HS3ST4: variants seen among roughly 807,000 people sequenced by gnomAD.
The protein encoded by HS3ST4 is heparan sulfate glucosamine 3-O-sulfotransferase 4.
In HS3ST4, 17 loss-of-function variants were observed where a neutral mutation model predicts 29.2. The observed-to-expected ratio is 0.58, with a 90% CI of 0.40 to 0.87. The LOEUF (loss-of-function observed/expected upper bound fraction) is 0.87. Among genes scored for constraint, HS3ST4 ranks in the 40% least tolerant of loss-of-function variants. HS3ST4 has a pLI of 0.00. For missense variants in HS3ST4, 627 were observed against 634.5 expected (o/e 0.99, Z 0.13); for synonymous variants, 314 against 285.7 (o/e 1.10, Z -1.00).
intron 1 of HS3ST4, among the ~76,000 whole-genome samples, chr16:25,834,521 A>G (rs1488717086): frequency 6.6e-6 from 1 of 152,252 alleles, no homozygotes; most frequent in Non-Finnish European, 1.5e-5. Flanking sequence ...ATCAATGTTG[A>G]GAGATGAAAA....
intron 1 of HS3ST4, among the ~76,000 whole-genome samples, chr16:25,857,948 C>CTTTCTTTCTTTCTTTCTTTA (rs1567257162): frequency 3.5e-5 from 2 of 57,104 alleles, no homozygotes; most frequent in African/African-American, 7.3e-5. Flanking sequence ...TTCTTTCTTT[C>CTTTCTTTCTTTCTTTCTTTA]TTTCTTTCTT....
intron 1 of HS3ST4, among the ~76,000 whole-genome samples, chr16:25,719,538 C>T (rs903161956): frequency 4.6e-5 from 7 of 152,288 alleles, no homozygotes; most frequent in Middle Eastern, 3.4e-3. Context: ...AGCAGTTTAT[C>T]GGTATAGGAA....
Position 25,853,305 on chromosome 16 carries a change from TG to T in HS3ST4, c.734+160155del, listed in dbSNP as rs1425562083. On this transcript the variant is annotated intron_variant, in intron 1 of 1. Coordinates refer to ENST00000331351, the MANE Select transcript of HS3ST4 (RefSeq NM_006040.3). ...GGTGAAATCTTTGTGAGTGTGTGTGTGTGTGTGTATATATATATATATATAT... is the reference window on the plus strand; with the variant it reads ...GGTGAAATCTTTGTGAGTGTGTGTGTTGTGTGTATATATATATATATATAT... Among the ~76,000 whole-genome samples, 3 of 106,868 alleles carry T rather than the reference TG, an allele frequency of 2.8e-5. No individual in the cohort carries two copies. In the East Asian group the frequency reaches 6.5e-4, roughly 23 times the overall value. The allele number at this position is 106,868 out of a possible 152,430, so 70.1% of individuals were successfully genotyped here. A position where few individuals can be genotyped will look rare whatever the true frequency, so the allele number is the denominator to read the frequency against.
At chr16:26,094,787 G>A (rs960723919) in intron 1 of HS3ST4, among the ~76,000 whole-genome samples, 31 of 152,164 alleles carry the variant, frequency 2.0e-4, no homozygotes, top group African/African-American at 4.3e-4. Flanking sequence ...ATGTAAATGG[G>A]CTAAATGCCC....
intron 1 of HS3ST4, among the ~76,000 whole-genome samples, chr16:26,030,636 T>A (rs891449485): frequency 6.6e-6 from 1 of 152,152 alleles, no homozygotes; most frequent in Non-Finnish European, 1.5e-5. Context: ...TGGCTATACA[T>A]ACCTAGGCAC....
intron 1 of HS3ST4, among the ~76,000 whole-genome samples, chr16:25,827,782 C>T (rs924087579): frequency 1.3e-5 from 2 of 152,102 alleles, no homozygotes; most frequent in Non-Finnish European, 2.9e-5. Flanking sequence ...ATCTGGCCTA[C>T]TATGTGCCAG....
Position 25,965,548 on chromosome 16 carries a change from A to G in HS3ST4, c.735-170064A>G, listed in dbSNP as rs530937738. On this transcript the variant is annotated intron_variant, in intron 1 of 1. Transcript: ENST00000331351. ...AAGAATTTATTGAGTCTGCAGCCTC[A>G]TGCATTTCCTTCTGTGGGTAATGGA... 2.0e-5 allele frequency among the ~76,000 whole-genome samples: 3 copies of G among 152,286 alleles called. No individual in the cohort carries two copies. The East Asian group carries it at 5.8e-4, about 29-fold the overall frequency.
chr16:26,087,620 G>A (rs116603539), intron 1 of HS3ST4, among the ~76,000 whole-genome samples: 3,688 of 152,076 alleles, frequency 0.024, 164 homozygotes, highest in African/African-American at 0.083. Flanking sequence ...TCTCTTGCTT[G>A]GATTATTGCA....
intron 1 of HS3ST4, among the ~76,000 whole-genome samples, chr16:25,768,985 C>T (rs1185023785): frequency 1.3e-5 from 2 of 152,118 alleles, no homozygotes; most frequent in Non-Finnish European, 2.9e-5. Flanking sequence ...TGGTCCACTC[C>T]ACTCACTGAT....
At chr16:25,869,830 G>A (rs563413055) in intron 1 of HS3ST4, among the ~76,000 whole-genome samples, 1 of 152,282 alleles carries the variant, frequency 6.6e-6, no homozygotes, top group African/African-American at 2.4e-5. Context: ...TACATGTGTT[G>A]TTTAGGTCTT....
intron 1 of HS3ST4, among the ~76,000 whole-genome samples, chr16:26,069,598 G>A (rs917407817): frequency 6.6e-6 from 1 of 151,484 alleles, no homozygotes; most frequent in Non-Finnish European, 1.5e-5. Context: ...GGGTACATGT[G>A]CACAACGTGC....
At chr16:25,833,351 A>G (rs1247961199) in intron 1 of HS3ST4, among the ~76,000 whole-genome samples, 3 of 152,186 alleles carry the variant, frequency 2.0e-5, no homozygotes, top group African/African-American at 7.2e-5. Flanking sequence ...CTTGGAGTCA[A>G]CCAAATCTGG....
At chr16:26,013,319 G>A (rs1254782762) in intron 1 of HS3ST4, among the ~76,000 whole-genome samples, 1 of 152,152 alleles carries the variant, frequency 6.6e-6, no homozygotes, top group Non-Finnish European at 1.5e-5. Context: ...AGAGCTGTGT[G>A]AATTTGAGCA....
At chr16:26,066,591 C>A (rs765046627) in intron 1 of HS3ST4, among the ~76,000 whole-genome samples, 2 of 152,116 alleles carry the variant, frequency 1.3e-5, no homozygotes, top group Non-Finnish European at 2.9e-5. Flanking sequence ...CTGCAAGAAA[C>A]CTGGGTGATT....
At chr16:26,109,387 G>A (rs1899098160) in intron 1 of HS3ST4, among the ~76,000 whole-genome samples, 1 of 152,158 alleles carries the variant, frequency 6.6e-6, no homozygotes, top group African/African-American at 2.4e-5. Context: ...GGTTTGTGTG[G>A]TAGGCATTAT....
At chr16:26,090,716 AG>A (rs1898847162) in intron 1 of HS3ST4, among the ~76,000 whole-genome samples, 1 of 152,206 alleles carries the variant, frequency 6.6e-6, no homozygotes, top group African/African-American at 2.4e-5. Flanking sequence ...ATTTTAATTT[AG>A]AGTTGCGGAG....
chr16:25,775,492 C>T (rs1306610481), intron 1 of HS3ST4, among the ~76,000 whole-genome samples: 1 of 152,190 alleles, frequency 6.6e-6, no homozygotes, highest in African/African-American at 2.4e-5. Flanking sequence ...GAACTCCAAA[C>T]TCCTTAGCTG....
intron 1 of HS3ST4, among the ~76,000 whole-genome samples, chr16:25,731,312 A>AT (rs1341253430): frequency 6.6e-6 from 1 of 151,992 alleles, no homozygotes; most frequent in African/African-American, 2.4e-5. Context: ...GTATGGCCTA[A>AT]TTTTTCAGGT....
intron 1 of HS3ST4, among the ~76,000 whole-genome samples, chr16:26,114,471 T>C (rs1414226943): frequency 6.6e-6 from 1 of 152,006 alleles, no homozygotes; most frequent in East Asian, 1.9e-4. Context: ...GTTAATGGGG[T>C]CCAACCATGC....
Sources: gnomAD v4.1 joint callset for allele counts (sites outside exome capture counted in the v4.1 genomes callset) on GRCh38, gnomAD v4.1.1 for gene constraint, MANE v1.5 for transcripts, NCBI Gene and HGNC (gene_info 2026-07-23, HGNC 2026-07-21) for gene names.